The following GPR137B variants were observed in gnomAD, a reference collection of about 807,000 sequenced individuals.
GPR137B encodes G protein-coupled receptor 137B, also known as integral membrane protein GPR137B.
GPR137B carries 42 observed loss-of-function variants against 42.5 expected under a neutral mutation model. The ratio of observed to expected loss-of-function variants is 0.99; its 90% CI spans 0.77 to 1.28. The LOEUF is 1.28. GPR137B is among the 50% of genes most tolerant of loss of function. The probability of loss-of-function intolerance (pLI) is 0.00; values close to 1 mark genes in which losing one functional copy is unlikely to be tolerated. For synonymous variants in GPR137B, 218 were observed against 209.7 expected, an observed-to-expected ratio of 1.04 and a Z score of -0.34; for missense variants, 487 against 493.9, an observed-to-expected ratio of 0.99 and a Z score of 0.13.
At chr1:236,167,868 C>T (rs1011206002) in intron 1 of GPR137B, among the ~76,000 whole-genome samples, 4 of 152,222 alleles carry the variant, frequency 2.6e-5, no homozygotes, top group African/African-American at 4.8e-5. Flanking sequence ...CTCCTCTTCA[C>T]CTTCTCGAAG....
intron 5 of GPR137B, among the ~76,000 whole-genome samples, chr1:236,195,988 G>A (rs1159494158): frequency 1.3e-5 from 2 of 151,986 alleles, no homozygotes; most frequent in African/African-American, 2.4e-5. Flanking sequence ...TCCCTTGTCA[G>A]ATGGGTAGTT....
rs553067983 is a variant in GPR137B, at chr1:236,150,025, A to T, written c.414+6989A>T. On this transcript the variant is annotated intron_variant, in intron 1 of 6. Coordinates refer to ENST00000366592, the MANE Select transcript of GPR137B (RefSeq NM_003272.4). The surrounding 1 kb of genome is among the most constrained non-coding windows in gnomAD (Gnocchi z 6.2). ...TGCCTGTGTGTGTGCCTGTGTGTGT[A>T]CCTGTGTGTGTGTGTGCCTGCCTCT... 9.5e-6 allele frequency among the ~76,000 whole-genome samples: 1 copy of T among 105,424 alleles called. No homozygotes were observed. Among genetic ancestry groups the T allele is most frequent in the Non-Finnish European group, 2.0e-5 (1 of 50,786 alleles). 69.2% of individuals were successfully genotyped at this position (105,424 alleles called of 152,430 possible).
intron 5 of GPR137B, among the ~76,000 whole-genome samples, chr1:236,202,441 G>GC (rs1489449502): frequency 6.6e-6 from 1 of 151,946 alleles, no homozygotes; most frequent in African/African-American, 2.4e-5. Flanking sequence ...ATTTGCAGTG[G>GC]CCTGCCGCTT....
At chr1:236,173,117 A>G (rs960711241) in intron 2 of GPR137B, among the ~76,000 whole-genome samples, 1 of 151,482 alleles carries the variant, frequency 6.6e-6, no homozygotes, top group Admixed American at 6.6e-5. Flanking sequence ...ACAGAGCAAG[A>G]TCCCATCTCT....
intron 5 of GPR137B, among the ~76,000 whole-genome samples, chr1:236,192,325 G>GGA (rs1663212815): frequency 6.6e-6 from 1 of 152,032 alleles, no homozygotes. Context: ...CCTTTCCAGG[G>GGA]GAGTGAATGG....
rs145077949 is a variant in GPR137B, at chr1:236,205,226, T to C, written c.1067T>C (p.Ile356Thr). The C allele has an allele frequency of 2.5e-5, 41 of 1,613,566 alleles. 1 individual carries two copies. The African/African-American group carries it at 4.0e-4, about 16-fold the overall frequency. ...YDSDDDLAWN[I>T]APQGLQGGFA... is the part of the protein sequence containing the mutation. ...AGTGATGATGACCTTGCCTGGAACATTGCCCCTCAGGGACTTCAGGGAGGG... is the reference window on the plus strand; with the variant it reads ...AGTGATGATGACCTTGCCTGGAACACTGCCCCTCAGGGACTTCAGGGAGGG... Residue 356 changes from isoleucine to threonine, a missense_variant, in exon 6 of 7, where the codon ATT (isoleucine) becomes ACT (threonine). Transcript: ENST00000366592.
At chr1:236,172,862 A>AT (rs577218299) in intron 2 of GPR137B, among the ~76,000 whole-genome samples, 153 of 144,554 alleles carry the variant, frequency 1.1e-3, no homozygotes, top group Middle Eastern at 3.6e-3. Flanking sequence ...TTAAAAAAAA[A>AT]TTTTTTTTTT....
intron 1 of GPR137B, among the ~76,000 whole-genome samples, chr1:236,153,284 C>T (rs1661922867): frequency 1.3e-5 from 2 of 152,200 alleles, no homozygotes; most frequent in African/African-American, 2.4e-5. Flanking sequence ...TACTCAGTCC[C>T]TGTTGCCTCA....
At chr1:236,181,274 T>C (rs1253967770) in intron 4 of GPR137B, among the ~76,000 whole-genome samples, 1 of 152,118 alleles carries the variant, frequency 6.6e-6, no homozygotes, top group Admixed American at 6.5e-5. Context: ...CTGCCATCCA[T>C]GCTCACAAAA....
intron 1 of GPR137B, among the ~76,000 whole-genome samples, chr1:236,146,058 A>C (rs1169921721): frequency 6.6e-6 from 1 of 151,772 alleles, no homozygotes; most frequent in Non-Finnish European, 1.5e-5. Context: ...GAGTTTTGCC[A>C]TGTTGGCCAG....
At chr1:236,176,762 C>G (rs934345063) in intron 2 of GPR137B, among the ~76,000 whole-genome samples, 2 of 151,722 alleles carry the variant, frequency 1.3e-5, no homozygotes, top group African/African-American at 2.4e-5. Flanking sequence ...CCCTCCCTCC[C>G]TCTTAAACCT....
At chr1:236,153,697 T>C (rs1475888037) in intron 1 of GPR137B, among the ~76,000 whole-genome samples, 1 of 152,222 alleles carries the variant, frequency 6.6e-6, no homozygotes, top group Non-Finnish European at 1.5e-5. Flanking sequence ...GACTGGCTGA[T>C]GTGACTTAGT....
chr1:236,193,956 C>A (rs555624205), intron 5 of GPR137B, among the ~76,000 whole-genome samples: 1 of 152,284 alleles, frequency 6.6e-6, no homozygotes, highest in East Asian at 1.9e-4. Context: ...CTGATGGTCC[C>A]TGATTTACAA....
intron 5 of GPR137B, among the ~76,000 whole-genome samples, chr1:236,189,829 C>A (rs568993466): frequency 6.6e-6 from 1 of 152,066 alleles, no homozygotes; most frequent in Non-Finnish European, 1.5e-5. Flanking sequence ...CTGCTAGGTC[C>A]GCTTGGTCTA....
In GPR137B at chr1:236,208,505, CTT is replaced by C; in HGVS notation, c.*350_*351del. 1 of 946,732 alleles carries C rather than the reference CTT, an allele frequency of 1.1e-6. No homozygotes were observed. The highest frequency in any genetic ancestry group is 4.8e-5 in the South Asian group (1 of 20,994). 58.6% of individuals were successfully genotyped at this position (946,732 alleles called of 1,614,324 possible). A position where few individuals can be genotyped will look rare whatever the true frequency, so the allele number is the denominator to read the frequency against. ...GCAATCATGTTGTAGTTTGCACAGA[CTT>C]TTATGCATAATTCACTTTAAAAATA... On this transcript the variant is annotated 3_prime_UTR_variant, in exon 7 of 7. Coordinates refer to ENST00000366592, the MANE Select transcript of GPR137B (RefSeq NM_003272.4).
chr1:236,163,489 G>T (rs1179861726), intron 1 of GPR137B, among the ~76,000 whole-genome samples: 1 of 152,182 alleles, frequency 6.6e-6, no homozygotes, highest in African/African-American at 2.4e-5. Flanking sequence ...TGGTTTGGCT[G>T]TGTCCCCCTC....
intron 1 of GPR137B, among the ~76,000 whole-genome samples, chr1:236,144,156 C>T (rs549423185): frequency 3.9e-5 from 6 of 152,044 alleles, no homozygotes; most frequent in African/African-American, 1.4e-4. Context: ...TGGCGCATGC[C>T]TGTCATCCCA....
chr1:236,204,751 T>G (rs1293963702), intron 5 of GPR137B, among the ~76,000 whole-genome samples: 1 of 152,146 alleles, frequency 6.6e-6, no homozygotes, highest in Non-Finnish European at 1.5e-5. Context: ...TTGTTATTGG[T>G]CTGTTCGGGT....
chr1:236,188,788 T>C (rs1031756775), intron 5 of GPR137B, among the ~76,000 whole-genome samples: 3 of 152,168 alleles, frequency 2.0e-5, no homozygotes, highest in Non-Finnish European at 4.4e-5. Flanking sequence ...TTCTTTTTGT[T>C]GTTGTGTCTC....
Sources: allele counts gnomAD v4.1 joint callset (sites outside exome capture counted in the v4.1 genomes callset), GRCh38; gene constraint gnomAD v4.1.1; non-coding constraint Gnocchi (gnomAD v3.1); transcripts MANE v1.5; gene names NCBI Gene and HGNC (gene_info 2026-07-23, HGNC 2026-07-21).